Variants in CLEC4C observed in about 807,000 individuals in gnomAD.
CLEC4C encodes C-type (calcium dependent, carbohydrate-recognition domain) lectin, superfamily member 11.
CLEC4C carries 17 observed loss-of-function variants against 27.7 expected under a neutral mutation model. The observed-to-expected ratio is 0.61, with a 90% CI of 0.42 to 0.92. The LOEUF is 0.92. CLEC4C is among the 40% of genes least tolerant of loss of function. The pLI is 0.00. For missense variants in CLEC4C, 244 were observed against 257.3 expected, an observed-to-expected ratio of 0.95 and a Z score of 0.35; for synonymous variants, 80 against 80.8, an observed-to-expected ratio of 0.99 and a Z score of 0.06.
chr12:7,746,107 C>T (rs991766540), intron 2 of CLEC4C, among the ~76,000 whole-genome samples: 58 of 148,520 alleles, frequency 3.9e-4, no homozygotes, highest in Non-Finnish European at 6.1e-4. Flanking sequence ...CCCAGCTACT[C>T]GGGAGGCTGA....
chr12:7,733,951 G>A lies in CLEC4C; in HGVS notation c.382-3039C>T, dbSNP rs762477763. On this transcript the variant is annotated intron_variant, in intron 4 of 5. Transcript: ENST00000360345. Reference sequence around the variant, plus strand: ...TCTCTCACCCAGGCTGGAGTGCAGTGGTATGATCTCGGCTCACTGCAACCT... The same window carrying A: ...TCTCTCACCCAGGCTGGAGTGCAGTAGTATGATCTCGGCTCACTGCAACCT... Among the ~76,000 whole-genome samples the A allele has an allele frequency of 2.6e-5, 4 of 152,130 alleles. No homozygotes were observed. In the South Asian group the frequency reaches 8.3e-4, roughly 32 times the overall value.
At chr12:7,730,213 A>G (rs1864563914) in intron 5 of CLEC4C, among the ~76,000 whole-genome samples, 2 of 152,226 alleles carry the variant, frequency 1.3e-5, no homozygotes, top group African/African-American at 4.8e-5. Flanking sequence ...TAGTGCAAGT[A>G]ATTTAATTTC....
At chr12:7,731,810 T>G (rs1864601703) in intron 4 of CLEC4C, among the ~76,000 whole-genome samples, 1 of 152,146 alleles carries the variant, frequency 6.6e-6, no homozygotes, top group African/African-American at 2.4e-5. Flanking sequence ...TCCTAATATA[T>G]TCTTCTTGTA....
intron 2 of CLEC4C, among the ~76,000 whole-genome samples, chr12:7,743,532 C>T (rs1864907122): frequency 6.6e-6 from 1 of 151,666 alleles, no homozygotes; most frequent in Non-Finnish European, 1.5e-5. Context: ...CTACAGGCGC[C>T]CGCCACCGCG....
intron 4 of CLEC4C, among the ~76,000 whole-genome samples, chr12:7,735,443 C>A (rs1177543191): frequency 2.1e-5 from 3 of 145,812 alleles, no homozygotes; most frequent in African/African-American, 7.6e-5. Flanking sequence ...GCAGAGGTTG[C>A]AGTAAGCAGA....
At position 7,733,812 on chromosome 12, in the gene CLEC4C, T is replaced by C. The variant is rs757782170; in HGVS notation, c.382-2900A>G. 3.3e-5 allele frequency among the ~76,000 whole-genome samples: 5 copies of C among 152,080 alleles called. No individual in the cohort carries two copies. In the East Asian group the frequency reaches 7.7e-4, roughly 24 times the overall value. ...CTGGTCTTGAACTCCTGGCCTCAAG[T>C]GATCTGCCCACCTTCGCCTCCCAAC... On this transcript the variant is annotated intron_variant, in intron 4 of 5. Coordinates refer to ENST00000360345, the MANE Select transcript of CLEC4C (RefSeq NM_001371390.1).
chr12:7,734,151 G>A (rs971259349), intron 4 of CLEC4C, among the ~76,000 whole-genome samples: 4 of 152,134 alleles, frequency 2.6e-5, no homozygotes, highest in African/African-American at 9.7e-5. Context: ...ATTGTTAGTG[G>A]TTTGTGTGCT....
intron 2 of CLEC4C, among the ~76,000 whole-genome samples, chr12:7,744,795 T>C (rs1423185154): frequency 2.0e-5 from 3 of 151,860 alleles, no homozygotes; most frequent in Non-Finnish European, 1.5e-5. Flanking sequence ...TTTTATTTTT[T>C]ATGGAGACAG....
chr12:7,734,899 A>G (rs948127359), intron 4 of CLEC4C, among the ~76,000 whole-genome samples: 8 of 152,038 alleles, frequency 5.3e-5, no homozygotes, highest in Non-Finnish European at 1.0e-4. Flanking sequence ...TCACACAAGG[A>G]TAATTTGAAA....
rs201723542 is a variant in CLEC4C, at chr12:7,737,598, G to A, written c.236-24C>T. On this transcript the variant is annotated intron_variant, in intron 3 of 5. Transcript: ENST00000360345. The stretch of plus-strand genomic sequence containing the variant: ...ATCTTCCCAAATGAGTATAGAAGAA[G>A]AAAAAATATTAACAGAGAATTCTCC... 1.2e-3 allele frequency: 1,960 copies of A among 1,594,694 alleles called. 5 individuals are homozygous for A. The highest frequency in any genetic ancestry group is 3.2e-3 in the Middle Eastern group (19 of 5,866).
chr12:7,744,185 T>C (rs1343370138), intron 2 of CLEC4C, among the ~76,000 whole-genome samples: 3 of 152,160 alleles, frequency 2.0e-5, no homozygotes, highest in Non-Finnish European at 1.5e-5. Flanking sequence ...CCTTCCAAAT[T>C]TCAAATTTTC....
chr12:7,738,861 C>T (rs1401860901), intron 3 of CLEC4C, among the ~76,000 whole-genome samples: 1 of 152,028 alleles, frequency 6.6e-6, no homozygotes, highest in African/African-American at 2.4e-5. Flanking sequence ...TACATGTGCA[C>T]AACGTGCAGG....
intron 4 of CLEC4C, among the ~76,000 whole-genome samples, chr12:7,735,407 A>ACAGGAGAATCGCTTGAACC (rs1208554608): frequency 6.7e-6 from 1 of 150,294 alleles, no homozygotes; most frequent in Non-Finnish European, 1.5e-5. Context: ...GGAGGCTGAG[A>ACAGGAGAATCGCTTGAACC]CAGGAGAATC....
intron 4 of CLEC4C, among the ~76,000 whole-genome samples, chr12:7,736,929 T>TA (rs1864739763): frequency 6.6e-6 from 1 of 151,354 alleles, no homozygotes; most frequent in Admixed American, 6.6e-5. Context: ...TAAATAAAAA[T>TA]AAAAAATAAA....
intron 4 of CLEC4C, among the ~76,000 whole-genome samples, chr12:7,731,929 G>A (rs1479328116): frequency 6.6e-6 from 1 of 152,142 alleles, no homozygotes; most frequent in African/African-American, 2.4e-5. Context: ...ACTCTAGCAT[G>A]GGTGACAGAA....
Position 7,729,384 on chromosome 12 carries a change from G to T in CLEC4C, c.*212C>A. 1.9e-6 allele frequency: 1 copy of T among 534,926 alleles called. No individual in the cohort carries two copies. The highest frequency in any genetic ancestry group is 3.3e-6 in the Non-Finnish European group (1 of 305,894). 33.1% of individuals were successfully genotyped at this position (534,926 alleles called of 1,614,324 possible). A position where few individuals can be genotyped will look rare whatever the true frequency, so the allele number is the denominator to read the frequency against. ...AGCAGTCTCTGGCACATAGAAAAAT[G>T]TTCACTAAACACTCATTTTATGAAT... On this transcript the variant is annotated 3_prime_UTR_variant, in exon 6 of 6. Coordinates refer to ENST00000360345, the MANE Select transcript of CLEC4C (RefSeq NM_001371390.1).
intron 2 of CLEC4C, 94 bp from the exon 3 acceptor site, chr12:7,741,625 C>T (rs1864858175): frequency 4.3e-6 from 3 of 700,810 alleles, no homozygotes; most frequent in Non-Finnish European, 7.7e-6. Flanking sequence ...CAGTGACTCA[C>T]GCCTGTAATC....
Position 7,733,413 on chromosome 12 carries a change from G to A in CLEC4C, c.382-2501C>T, listed in dbSNP as rs147640179. On this transcript the variant is annotated intron_variant, in intron 4 of 5. Coordinates refer to ENST00000360345, the MANE Select transcript of CLEC4C (RefSeq NM_001371390.1). ...TGAGTAACTGGGACTACAGGTGTAT[G>A]CCACCACACCTGGCTAATTTTTGTA... is the stretch of plus-strand genomic sequence containing the variant. Among the ~76,000 whole-genome samples, 269 of 150,914 alleles carry A rather than the reference G, an allele frequency of 1.8e-3. 3 individuals are homozygous for A. The highest frequency in any genetic ancestry group is 6.0e-3 in the African/African-American group (247 of 40,952).
intron 4 of CLEC4C, among the ~76,000 whole-genome samples, chr12:7,733,630 C>T (rs985576745): frequency 4.6e-5 from 7 of 151,218 alleles, no homozygotes; most frequent in East Asian, 3.9e-4. Context: ...TACAGGCTCC[C>T]GCCACCATGC....
Sources: allele counts gnomAD v4.1 joint callset (sites outside exome capture counted in the v4.1 genomes callset), GRCh38; gene constraint gnomAD v4.1.1; transcripts MANE v1.5; gene names NCBI Gene and HGNC (gene_info 2026-07-23, HGNC 2026-07-21).